Variants in GMDS observed in about 807,000 individuals in gnomAD.
The protein encoded by GMDS is GDP-mannose 4,6 dehydratase.
In GMDS, 20 loss-of-function variants were observed where a neutral mutation model predicts 49.9. That is an observed-to-expected ratio of 0.40 (90% CI 0.28 to 0.58). The LOEUF (loss-of-function observed/expected upper bound fraction) is 0.58. GMDS is among the 20% of genes least tolerant of loss of function. GMDS has a pLI of 0.42. For synonymous variants in GMDS, 177 were observed against 178.6 expected (o/e 0.99, Z 0.07); for missense variants, 362 against 481.4 (o/e 0.75, Z 2.32).
Position 1,986,172 on chromosome 6 carries a change from G to A in GMDS, c.346-25206C>T, listed in dbSNP as rs116714594. ...CTTGAATCACAGGTAATCTGTAAAC[G>A]TGTTCTTAAAAACAAATGAGAAAAG... On this transcript the variant is annotated intron_variant, in intron 4 of 10. Coordinates refer to ENST00000380815, the MANE Select transcript of GMDS (RefSeq NM_001500.4). Among the ~76,000 whole-genome samples the A allele has an allele frequency of 4.9e-3, 749 of 152,252 alleles. 5 individuals carry two copies. Among genetic ancestry groups the A allele is most frequent in the African/African-American group, 0.017 (724 of 41,560 alleles).
intron 7 of GMDS, among the ~76,000 whole-genome samples, chr6:1,771,021 T>C (rs1016931372): frequency 2.0e-5 from 3 of 152,168 alleles, no homozygotes; most frequent in Admixed American, 1.3e-4. Context: ...CTTCATAGGA[T>C]ATATAAACAA....
chr6:1,676,271 C>A (rs1286001486), intron 9 of GMDS, among the ~76,000 whole-genome samples: 1 of 152,106 alleles, frequency 6.6e-6, no homozygotes, highest in Non-Finnish European at 1.5e-5. Context: ...CACTGCTCAG[C>A]AAAATAAAAG....
At chr6:1,630,080 T>A (rs1241703013) in intron 9 of GMDS, among the ~76,000 whole-genome samples, 3 of 152,228 alleles carry the variant, frequency 2.0e-5, no homozygotes, top group Non-Finnish European at 4.4e-5. Context: ...TCATTTATAT[T>A]TTAAAAATAT....
Position 2,071,754 on chromosome 6 carries a change from C to A in GMDS, c.345+44017G>T, listed in dbSNP as rs79863264. On this transcript the variant is annotated intron_variant, in intron 4 of 10. Transcript: ENST00000380815. Reference sequence around the variant, plus strand: ...AACCTCCATTCACGGACCTGTAGTGCCATAGTTGAAGTGTCTAAGATAGCA... The same window carrying A: ...AACCTCCATTCACGGACCTGTAGTGACATAGTTGAAGTGTCTAAGATAGCA... Among the ~76,000 whole-genome samples the A allele has an allele frequency of 1.9e-3, 281 of 151,408 alleles. 1 individual carries two copies. The East Asian group carries it at 0.026, about 14-fold the overall frequency.
chr6:2,025,416 ATATT>A (rs1205667268), intron 4 of GMDS, among the ~76,000 whole-genome samples: 10 of 148,976 alleles, frequency 6.7e-5, no homozygotes, highest in Non-Finnish European at 1.2e-4. Flanking sequence ...GTTTTGGTAA[ATATT>A]TATTAAGTGC....
intron 7 of GMDS, among the ~76,000 whole-genome samples, chr6:1,923,599 C>T (rs771756514): frequency 1.3e-5 from 2 of 152,248 alleles, no homozygotes; most frequent in Admixed American, 6.5e-5. Flanking sequence ...TTCCTGCCAG[C>T]GCACAGAGCA....
rs182720124 is a variant in GMDS, at chr6:1,977,154, T to C, written c.346-16188A>G. 4.9e-3 allele frequency among the ~76,000 whole-genome samples: 750 copies of C among 152,280 alleles called. 7 individuals are homozygous for C. Among genetic ancestry groups the C allele is most frequent in the Middle Eastern group, 0.01 (3 of 294 alleles). ...GAATCACAAAGCAGAGGAAGAAAAA[T>C]ACTAATTTGCTATGAAAAGTAATTC... On this transcript the variant is annotated intron_variant, in intron 4 of 10. Transcript: ENST00000380815.
intron 9 of GMDS, among the ~76,000 whole-genome samples, chr6:1,686,535 A>G (rs1050369639): frequency 1.3e-4 from 20 of 152,224 alleles, no homozygotes; most frequent in African/African-American, 4.1e-4. Flanking sequence ...GTGTCCACTG[A>G]TTAGTCACAG....
intron 9 of GMDS, among the ~76,000 whole-genome samples, chr6:1,648,769 C>T (rs1217975072): frequency 6.6e-6 from 1 of 152,180 alleles, no homozygotes; most frequent in Non-Finnish European, 1.5e-5. Context: ...AAAATAGCTC[C>T]GTTTTACTGG....
chr6:2,000,947 C>A (rs1766779246), intron 4 of GMDS, among the ~76,000 whole-genome samples: 1 of 152,206 alleles, frequency 6.6e-6, no homozygotes, highest in African/African-American at 2.4e-5. Flanking sequence ...ATGAGTAGCA[C>A]TGCTATAAAC....
chr6:1,751,175 G>A (rs976605493), intron 7 of GMDS, among the ~76,000 whole-genome samples: 1 of 152,182 alleles, frequency 6.6e-6, no homozygotes. Context: ...CCTGCCTGCC[G>A]GCTCTGAAGA....
rs1769336966 is a variant in GMDS at position 1,786,724 on chromosome 6, A to G, written c.772-44138T>C. 2.0e-5 allele frequency among the ~76,000 whole-genome samples: 3 copies of G among 152,146 alleles called. No homozygotes were observed. The South Asian group carries it at 6.2e-4, about 32-fold the overall frequency. ...GCCTGGTTTTGGTTATGAGAGCAGG[A>G]GCTGTGGCATCTCCTAAATGAGACA... On this transcript the variant is annotated intron_variant, in intron 7 of 10. Transcript: ENST00000380815.
chr6:2,209,343 T>C (rs234915), intron 1 of GMDS, among the ~76,000 whole-genome samples: 2 of 152,014 alleles, frequency 1.3e-5, no homozygotes, highest in Non-Finnish European at 2.9e-5. Flanking sequence ...GAACACAATG[T>C]ACTCTGCAGA....
intron 1 of GMDS, among the ~76,000 whole-genome samples, chr6:2,134,851 A>C (rs1775915199): frequency 6.6e-6 from 1 of 152,182 alleles, no homozygotes; most frequent in Non-Finnish European, 1.5e-5. Flanking sequence ...CTATACAGCA[A>C]AGTATTTATT....
chr6:1,924,603 A>G (rs1761898721), intron 7 of GMDS, among the ~76,000 whole-genome samples: 1 of 152,194 alleles, frequency 6.6e-6, no homozygotes, highest in Non-Finnish European at 1.5e-5. Flanking sequence ...TCAAAGTGGG[A>G]TCTCATTGGG....
At chr6:2,234,632 T>C (rs1781268769) in intron 1 of GMDS, among the ~76,000 whole-genome samples, 1 of 150,564 alleles carries the variant, frequency 6.6e-6, no homozygotes. Flanking sequence ...AAAAATAAAA[T>C]CCTAGCAAAC....
At chr6:1,630,389 G>A (rs756443579) in intron 9 of GMDS, among the ~76,000 whole-genome samples, 3 of 152,192 alleles carry the variant, frequency 2.0e-5, no homozygotes, top group African/African-American at 4.8e-5. Context: ...GGCTGTGTCC[G>A]CCTGCCCATT....
intron 7 of GMDS, among the ~76,000 whole-genome samples, chr6:1,916,268 A>G (rs1561888466): frequency 6.6e-6 from 1 of 152,164 alleles, no homozygotes; most frequent in Non-Finnish European, 1.5e-5. Context: ...ATGAAACGTG[A>G]GGGTGCAGCT....
intron 4 of GMDS, among the ~76,000 whole-genome samples, chr6:2,056,719 T>A (rs545674745): frequency 2.0e-5 from 3 of 152,322 alleles, no homozygotes; most frequent in African/African-American, 7.2e-5. Context: ...CTCTGCCACA[T>A]GGCTGGACTT....
Sources: gnomAD v4.1 joint callset for allele counts (sites outside exome capture counted in the v4.1 genomes callset) on GRCh38, gnomAD v4.1.1 for gene constraint, MANE v1.5 for transcripts, NCBI Gene and HGNC (gene_info 2026-07-23, HGNC 2026-07-21) for gene names.